BEND6: variants seen among roughly 807,000 people sequenced by gnomAD.
BEND6 encodes the protein BEN domain-containing protein 6.
BEND6 carries 24 observed loss-of-function variants against 31.8 expected under a neutral mutation model. The ratio of observed to expected loss-of-function variants is 0.75; its 90% confidence interval spans 0.55 to 1.06. The LOEUF (loss-of-function observed/expected upper bound fraction) is 1.06. Ranked by LOEUF, BEND6 falls within the 50% of genes least tolerant of loss-of-function variation. The pLI, the probability that BEND6 is intolerant of heterozygous loss-of-function variation, is 0.00. For synonymous variants in BEND6, 109 were observed against 114.6 expected (o/e 0.95, Z 0.31); for missense variants, 294 against 327.4 (o/e 0.90, Z 0.79).
intron 1 of BEND6, among the ~76,000 whole-genome samples, chr6:56,958,190 T>A (rs1278311250): frequency 6.6e-6 from 1 of 152,188 alleles, no homozygotes; most frequent in Non-Finnish European, 1.5e-5. Context: ...GAAGGGAATT[T>A]TATACATCAC....
chr6:56,977,514 AT>A (rs1373742941), intron 1 of BEND6, among the ~76,000 whole-genome samples: 2 of 152,262 alleles, frequency 1.3e-5, no homozygotes, highest in Non-Finnish European at 2.9e-5. Flanking sequence ...TACGGGACTT[AT>A]GAAAATGTAA....
At chr6:56,998,124 A>AT (rs1826794581) in intron 3 of BEND6, among the ~76,000 whole-genome samples, 1 of 152,196 alleles carries the variant, frequency 6.6e-6, no homozygotes, top group African/African-American at 2.4e-5. Flanking sequence ...GTGGTTTACA[A>AT]TGTTAACGGC....
At chr6:57,025,885 T>C (rs1827886067) in intron 6 of BEND6, among the ~76,000 whole-genome samples, 197 bp from the exon 7 acceptor site, 1 of 152,142 alleles carries the variant, frequency 6.6e-6, no homozygotes, top group African/African-American at 2.4e-5. Context: ...GCACTGTATG[T>C]TTGTTTTTGG....
chr6:56,989,290 T>C (rs1321288674), intron 2 of BEND6, among the ~76,000 whole-genome samples: 1 of 152,110 alleles, frequency 6.6e-6, no homozygotes, highest in Non-Finnish European at 1.5e-5. Flanking sequence ...AATTAATTCA[T>C]TTTGGCTATA....
chr6:56,995,560 C>T (rs954212923), intron 3 of BEND6, among the ~76,000 whole-genome samples: 1 of 152,194 alleles, frequency 6.6e-6, no homozygotes, highest in Admixed American at 6.5e-5. Context: ...CATACTCCCC[C>T]TGCAGGTGCT....
intron 6 of BEND6, among the ~76,000 whole-genome samples, chr6:57,023,334 T>G (rs1180826800): frequency 6.6e-6 from 1 of 152,224 alleles, no homozygotes; most frequent in African/African-American, 2.4e-5. Context: ...TTTTAAACTA[T>G]TATAGCCTCT....
At chr6:56,959,648 C>A (rs1314034364) in intron 1 of BEND6, among the ~76,000 whole-genome samples, 3 of 152,112 alleles carry the variant, frequency 2.0e-5, no homozygotes, top group African/African-American at 7.2e-5. Context: ...GGGAAACCAT[C>A]ATGTGGATAG....
intron 3 of BEND6, among the ~76,000 whole-genome samples, chr6:57,007,567 C>T (rs556767450): frequency 6.6e-6 from 1 of 152,130 alleles, no homozygotes; most frequent in Non-Finnish European, 1.5e-5. Flanking sequence ...TAGAGGATCA[C>T]TTGAGGCAAG....
At chr6:56,957,608 T>A (rs1825134288) in intron 1 of BEND6, among the ~76,000 whole-genome samples, 1 of 152,176 alleles carries the variant, frequency 6.6e-6, no homozygotes, top group Non-Finnish European at 1.5e-5. Flanking sequence ...TAATTGACAT[T>A]GTATAAAAGT....
intron 3 of BEND6, among the ~76,000 whole-genome samples, chr6:56,999,305 C>G (rs535925005): frequency 1.3e-5 from 2 of 152,338 alleles, no homozygotes; most frequent in East Asian, 3.9e-4. Flanking sequence ...CATGCCCAGG[C>G]AGATCTCCAG....
At chr6:56,958,149 A>T (rs1470843994) in intron 1 of BEND6, among the ~76,000 whole-genome samples, 1 of 152,210 alleles carries the variant, frequency 6.6e-6, no homozygotes, top group African/African-American at 2.4e-5. Context: ...GGCGTTCAGC[A>T]TGTGTGAGCA....
chr6:56,972,929 A>G (rs1165528299), intron 1 of BEND6, among the ~76,000 whole-genome samples: 1 of 152,208 alleles, frequency 6.6e-6, no homozygotes, highest in Non-Finnish European at 1.5e-5. Context: ...GAGAGATGTG[A>G]TAGGATTAGT....
chr6:57,009,946 T>A (rs1827288976), intron 3 of BEND6: 1 of 151,812 alleles, frequency 6.6e-6, no homozygotes, highest in African/African-American at 2.4e-5. Context: ...AACCAAACAG[T>A]TGATAAGAGG....
rs189571681 is a variant in BEND6 at position 57,002,919 on chromosome 6, T to C, written c.298+10364T>C. On this transcript the variant is annotated intron_variant, in intron 3 of 6. Coordinates refer to ENST00000370746, the MANE Select transcript of BEND6 (RefSeq NM_152731.3). ...CAAAGAATCAATGAAACTAAAAGTTTGTTCTTTGAAAGGATAAACAAGATT... is the reference window on the plus strand; with the variant it reads ...CAAAGAATCAATGAAACTAAAAGTTCGTTCTTTGAAAGGATAAACAAGATT... Among the ~76,000 whole-genome samples, 8 of 152,208 alleles carry C rather than the reference T, an allele frequency of 5.3e-5. No homozygotes were observed. In the East Asian group the frequency reaches 1.5e-3, roughly 29 times the overall value.
At chr6:56,968,755 A>G (rs966646429) in intron 1 of BEND6, among the ~76,000 whole-genome samples, 16 of 152,184 alleles carry the variant, frequency 1.1e-4, no homozygotes, top group African/African-American at 3.6e-4. Context: ...AACAACTTGG[A>G]AACTGAAAAT....
intron 2 of BEND6, among the ~76,000 whole-genome samples, chr6:56,989,992 A>T (rs1247640974): frequency 6.6e-6 from 1 of 152,292 alleles, no homozygotes; most frequent in African/African-American, 2.4e-5. Context: ...AAATACCTGC[A>T]CTTACATTTT....
At chr6:56,992,025 G>C (rs991751136) in intron 2 of BEND6, among the ~76,000 whole-genome samples, 7 of 152,214 alleles carry the variant, frequency 4.6e-5, no homozygotes, top group African/African-American at 1.7e-4. Flanking sequence ...TTCATATGGT[G>C]AGGCATTCTG....
intron 6 of BEND6, among the ~76,000 whole-genome samples, chr6:57,018,958 C>G (rs1827654782): frequency 6.6e-6 from 1 of 152,136 alleles, no homozygotes; most frequent in African/African-American, 2.4e-5. Context: ...CTCTCTAGGA[C>G]AGAGGAGATT....
chr6:56,998,375 G>A (rs1039455634), intron 3 of BEND6, among the ~76,000 whole-genome samples: 2 of 152,126 alleles, frequency 1.3e-5, no homozygotes, highest in Non-Finnish European at 2.9e-5. Context: ...ATTCAGGATG[G>A]CAAACGTGTG....
Sources: allele counts gnomAD v4.1 joint callset (sites outside exome capture counted in the v4.1 genomes callset), GRCh38; gene constraint gnomAD v4.1.1; transcripts MANE v1.5; gene names NCBI Gene and HGNC (gene_info 2026-07-23, HGNC 2026-07-21).